Variants in ZSCAN25 observed in about 807,000 individuals in gnomAD.
The protein encoded by ZSCAN25 is zinc finger and SCAN domain containing 25.
Under a neutral mutation model 38.7 loss-of-function variants are expected in ZSCAN25, and 27 were observed. That is an observed-to-expected ratio of 0.70 (90% confidence interval 0.51 to 0.96). The LOEUF is 0.96. Ranked by LOEUF, ZSCAN25 falls within the 40% of genes least tolerant of loss-of-function variation. The pLI is 0.00. For synonymous variants in ZSCAN25, 273 were observed against 277.7 expected, an observed-to-expected ratio of 0.98 and a Z score of 0.17; for missense variants, 637 against 705.9, an observed-to-expected ratio of 0.90 and a Z score of 1.11.
Position 99,631,320 on chromosome 7 carries a change from C to T in ZSCAN25, c.*1300C>T. The T allele has an allele frequency of 3.0e-6, 3 of 984,986 alleles. No individual in the cohort carries two copies. Among genetic ancestry groups the T allele is most frequent in the Non-Finnish European group, 3.6e-6 (3 of 829,826 alleles). 61.0% of individuals were successfully genotyped at this position (984,986 alleles called of 1,614,324 possible). The stretch of plus-strand genomic sequence containing the variant: ...GTAGCGACCTGTTTTGCATGAGTGC[C>T]AAGTCAGGAAAAATAAAGATATTTG... On this transcript the variant is annotated 3_prime_UTR_variant, in exon 8 of 8. Transcript: ENST00000394152.
chr7:99,686,668 C>A, the ZSCAN25 span, among the ~76,000 whole-genome samples: 1 of 152,314 alleles, frequency 6.6e-6, no homozygotes, highest in Non-Finnish European at 1.5e-5. Context: ...GTCATTCTCC[C>A]AGCACGCAGC....
chr7:99,736,284 T>C, the ZSCAN25 span, among the ~76,000 whole-genome samples: 715 of 152,222 alleles, frequency 4.7e-3, 5 homozygotes, highest in African/African-American at 0.016. Context: ...CCAGCAACAA[T>C]GGGGCAGTGG....
At chr7:99,690,289 A>G in the ZSCAN25 span, among the ~76,000 whole-genome samples, 1 of 152,248 alleles carries the variant, frequency 6.6e-6, no homozygotes, top group Non-Finnish European at 1.5e-5. Context: ...TTATACAAAA[A>G]TTAATTCAAG....
the ZSCAN25 span, among the ~76,000 whole-genome samples, chr7:99,687,363 T>C: frequency 1.3e-5 from 2 of 152,184 alleles, no homozygotes; most frequent in Admixed American, 1.3e-4. Flanking sequence ...GATTGAGAAC[T>C]ACATGAAGAA....
chr7:99,696,849 G>A, the ZSCAN25 span, among the ~76,000 whole-genome samples: 113,934 of 152,114 alleles, frequency 0.75, 46,286 homozygotes, highest in Non-Finnish European at 0.91. Context: ...CCCTTTGGGT[G>A]TTTCCTCGTG....
the ZSCAN25 span, chr7:99,664,057 T>G: frequency 1.3e-6 from 2 of 1,596,592 alleles, no homozygotes; most frequent in South Asian, 2.3e-5. Flanking sequence ...AGAGAGACAT[T>G]TAATGCTTCA....
At chr7:99,634,420 G>A (rs1457412928), downstream of ZSCAN25, among the ~76,000 whole-genome samples, 2 of 152,180 alleles carry the variant, frequency 1.3e-5, no homozygotes, top group Non-Finnish European at 1.5e-5. Context: ...TTGGGAGGCC[G>A]AGGCGGGCGG....
At chr7:99,662,954 C>A in the ZSCAN25 span, 5 of 1,593,390 alleles carry the variant, frequency 3.1e-6, no homozygotes, top group South Asian at 5.6e-5. The surrounding 1 kb of genome is among the most constrained non-coding windows in gnomAD (Gnocchi z 4.3). Context: ...AAAGTGCAGT[C>A]CTCAACCTCC....
At chr7:99,704,867 C>T in the ZSCAN25 span, among the ~76,000 whole-genome samples, 1 of 152,046 alleles carries the variant, frequency 6.6e-6, no homozygotes, top group Non-Finnish European at 1.5e-5. Context: ...GAGGTTGAGG[C>T]AGGAGAATGG....
chr7:99,686,688 G>C, the ZSCAN25 span, among the ~76,000 whole-genome samples: 1 of 152,166 alleles, frequency 6.6e-6, no homozygotes, highest in Non-Finnish European at 1.5e-5. Flanking sequence ...CTGGAGATCT[G>C]AGAACGGGCA....
chr7:99,697,600 C>T, the ZSCAN25 span, among the ~76,000 whole-genome samples: 27 of 152,168 alleles, frequency 1.8e-4, no homozygotes, highest in South Asian at 6.2e-4. Context: ...ATGTTCCAGA[C>T]AGTTGAATGA....
the ZSCAN25 span, among the ~76,000 whole-genome samples, chr7:99,718,199 C>T: frequency 2.0e-5 from 3 of 152,132 alleles, no homozygotes; most frequent in African/African-American, 4.8e-5. Flanking sequence ...GTACAGCACA[C>T]CAACATGGCA....
chr7:99,638,229 G>A, the ZSCAN25 span: 1 of 1,533,542 alleles, frequency 6.5e-7, no homozygotes, highest in Non-Finnish European at 8.8e-7. Flanking sequence ...GGGATGGGTG[G>A]AGAATGCTCA....
chr7:99,732,669 A>T, the ZSCAN25 span, among the ~76,000 whole-genome samples: 1 of 152,178 alleles, frequency 6.6e-6, no homozygotes, highest in Non-Finnish European at 1.5e-5. Context: ...AGAAAAGTTG[A>T]TGGAAGAGGT....
the ZSCAN25 span, among the ~76,000 whole-genome samples, chr7:99,722,864 G>A: frequency 6.6e-6 from 1 of 152,168 alleles, no homozygotes; most frequent in Non-Finnish European, 1.5e-5. Context: ...ATTTAGATAA[G>A]TGTGAGGCAT....
intron 2 of ZSCAN25, 99 bp from the exon 3 acceptor site, chr7:99,618,949 T>G (rs1377619653): frequency 6.6e-6 from 1 of 152,282 alleles, no homozygotes; most frequent in Non-Finnish European, 1.5e-5. Context: ...GACTGACTCA[T>G]TCTCATCCTT....
chr7:99,703,137 A>C, the ZSCAN25 span, among the ~76,000 whole-genome samples: 37 of 152,334 alleles, frequency 2.4e-4, no homozygotes, highest in Admixed American at 1.0e-3. Context: ...CAGTTCTAGT[A>C]GTTCCTTGGT....
the ZSCAN25 span, among the ~76,000 whole-genome samples, chr7:99,700,799 G>T: frequency 1.3e-5 from 2 of 152,118 alleles, no homozygotes. Context: ...GAGATTGCTG[G>T]GCCCCTGTGT....
intron 7 of ZSCAN25, among the ~76,000 whole-genome samples, chr7:99,625,510 CA>C (rs140956932): frequency 6.6e-6 from 1 of 152,264 alleles, no homozygotes; most frequent in East Asian, 1.9e-4. Flanking sequence ...GGGTCCAGGG[CA>C]CGGTTGACAC....
Sources: gnomAD v4.1 joint callset for allele counts (sites outside exome capture counted in the v4.1 genomes callset) on GRCh38, gnomAD v4.1.1 for gene constraint, Gnocchi (gnomAD v3.1) non-coding constraint, MANE v1.5 for transcripts, NCBI Gene and HGNC (gene_info 2026-07-23, HGNC 2026-07-21) for gene names.